STK35: variants seen among roughly 807,000 people sequenced by gnomAD.
The protein encoded by STK35 is serine/threonine-protein kinase 35.
STK35 carries 17 observed loss-of-function variants against 37.3 expected under a neutral mutation model. That is an observed-to-expected ratio of 0.46 (90% CI 0.31 to 0.68). STK35 has a LOEUF of 0.68. Ranked by LOEUF, STK35 falls within the 30% of genes least tolerant of loss-of-function variation. The pLI is 0.05. For missense variants in STK35, 595 were observed against 746.7 expected (o/e 0.80, Z 2.37); for synonymous variants, 385 against 319.1 (o/e 1.21, Z -2.20).
At chr20:2,130,843 G>T (rs915702964) in intron 3 of STK35, among the ~76,000 whole-genome samples, 1 of 152,122 alleles carries the variant, frequency 6.6e-6, no homozygotes, top group Non-Finnish European at 1.5e-5. Context: ...GTGGGGAAGG[G>T]GCTTTGGAGT....
rs1364921765 is a variant in STK35 at position 2,117,403 on chromosome 20, G to A, written c.*25G>A. On this transcript the variant is annotated 3_prime_UTR_variant, in exon 3 of 4. Transcript: ENST00000381482. This position sits in a 1 kb window ranked among gnomAD's most constrained non-coding sequence, Gnocchi z 4.4. Reference sequence around the variant, plus strand: ...AAATTCAGGGCTAAGCATTTTGGGTGATTTTAAACTAGGTGAGTGCTCTCT... The same window carrying A: ...AAATTCAGGGCTAAGCATTTTGGGTAATTTTAAACTAGGTGAGTGCTCTCT... 2 of 1,549,610 alleles carry A rather than the reference G, an allele frequency of 1.3e-6. No individual in the cohort carries two copies. Among genetic ancestry groups the A allele is most frequent in the Non-Finnish European group, 1.8e-6 (2 of 1,137,544 alleles).
chr20:2,101,916 C>G lies in STK35; in HGVS notation c.35C>G (p.Pro12Arg). The G allele has an allele frequency of 6.8e-7, 1 of 1,463,262 alleles. No homozygotes were observed. Among genetic ancestry groups the G allele is most frequent in the Non-Finnish European group, 9.1e-7 (1 of 1,104,368 alleles). The allele number at this position is 1,463,262 out of a possible 1,614,324, so 90.6% of individuals were successfully genotyped here. Residue 12 changes from proline to arginine, a missense_variant, in exon 1 of 4, where the codon CCG becomes CGG. By Grantham distance (103) the Pro-to-Arg change is moderately radical. This residue lies in a region of STK35 where 389 missense variants were observed against 320.0 expected (regional missense o/e 1.22). Transcript: ENST00000381482. Reference sequence around the variant, plus strand: ...CAGGAGTCTCCGCTGGCCCGGGCGCCGGCGGGAGGTGCAGCTTATGTAAAG... The same window carrying G: ...CAGGAGTCTCCGCTGGCCCGGGCGCGGGCGGGAGGTGCAGCTTATGTAAAG... ...GHQESPLARA[P>R]AGGAAYVKRL...
intron 2 of STK35, among the ~76,000 whole-genome samples, chr20:2,112,107 C>T (rs897280278): frequency 2.6e-5 from 4 of 152,182 alleles, no homozygotes; most frequent in Admixed American, 6.5e-5. Context: ...GTTGAAGTGG[C>T]GTTGACTAAA....
At chr20:2,125,505 T>G (rs1488255145) in intron 3 of STK35, among the ~76,000 whole-genome samples, 1 of 152,216 alleles carries the variant, frequency 6.6e-6, no homozygotes, top group Non-Finnish European at 1.5e-5. Context: ...CCGTTCTGCA[T>G]TCTACAGCCT....
intron 3 of STK35, among the ~76,000 whole-genome samples, chr20:2,119,467 G>A (rs1343104920): frequency 1.3e-5 from 2 of 152,240 alleles, no homozygotes; most frequent in Admixed American, 1.3e-4. Flanking sequence ...AGGAACAGCA[G>A]AATAGTTTAG....
chr20:2,135,921 C>T (rs1262293849), intron 3 of STK35, among the ~76,000 whole-genome samples: 2 of 152,156 alleles, frequency 1.3e-5, no homozygotes, highest in African/African-American at 2.4e-5. Flanking sequence ...TCACTTAAGC[C>T]AGGGAAGTCA....
At chr20:2,113,017 A>G (rs1178758095) in intron 2 of STK35, among the ~76,000 whole-genome samples, 3 of 152,136 alleles carry the variant, frequency 2.0e-5, no homozygotes, top group Non-Finnish European at 4.4e-5. Flanking sequence ...CCACTGTGAG[A>G]TGGGCCTGAG....
intron 1 of STK35, among the ~76,000 whole-genome samples, chr20:2,102,423 G>C (rs1477596021): frequency 6.6e-6 from 1 of 152,238 alleles, no homozygotes; most frequent in Non-Finnish European, 1.5e-5. Context: ...GAGCGTCACA[G>C]AGGGGGCCAA....
chr20:2,106,219 A>G (rs1985512583), intron 2 of STK35, among the ~76,000 whole-genome samples: 1 of 152,196 alleles, frequency 6.6e-6, no homozygotes, highest in Non-Finnish European at 1.5e-5. Flanking sequence ...GGTTTACAGC[A>G]TGCAAATACC....
intron 3 of STK35, among the ~76,000 whole-genome samples, chr20:2,123,733 C>T (rs1330609314): frequency 2.6e-5 from 4 of 152,156 alleles, no homozygotes; most frequent in African/African-American, 4.8e-5. Context: ...ATTTTAAAAT[C>T]GTTTTAGGTG....
intron 3 of STK35, among the ~76,000 whole-genome samples, chr20:2,123,145 G>A (rs565512803): frequency 8.5e-5 from 13 of 152,254 alleles, no homozygotes; most frequent in African/African-American, 2.6e-4. Context: ...ACAAACCTCC[G>A]TTACTAGGGC....
rs1157296105 is a variant in STK35 at position 2,146,073 on chromosome 20, C to G, written c.*2327C>G. On this transcript the variant is annotated 3_prime_UTR_variant, in exon 4 of 4. Coordinates refer to ENST00000381482, the MANE Select transcript of STK35 (RefSeq NM_080836.4). Reference sequence around the variant, plus strand: ...GGTAGGGGTCGCCAGCCTCCATGCCCCCTCATCTTCCAGTTCTTGCTTAGT... The same window carrying G: ...GGTAGGGGTCGCCAGCCTCCATGCCGCCTCATCTTCCAGTTCTTGCTTAGT... 2.0e-5 allele frequency: 3 copies of G among 152,188 alleles called. No homozygotes were observed. The East Asian group carries it at 5.8e-4, about 29-fold the overall frequency. The allele number at this position is 152,188 out of a possible 1,614,324, so 9.4% of individuals were successfully genotyped here.
At chr20:2,112,484 C>T (rs910088220) in intron 2 of STK35, among the ~76,000 whole-genome samples, 4 of 152,212 alleles carry the variant, frequency 2.6e-5, no homozygotes, top group African/African-American at 9.7e-5. Flanking sequence ...TCCCCAAAGG[C>T]AGGCCTGCCT....
intron 3 of STK35, among the ~76,000 whole-genome samples, chr20:2,131,471 GT>G (rs1048460959): frequency 1.2e-4 from 17 of 140,246 alleles, no homozygotes; most frequent in South Asian, 1.1e-3. Context: ...TTAAAGTTTT[GT>G]TTTTTTTTTT....
chr20:2,140,065 G>A (rs1986148813), intron 3 of STK35, among the ~76,000 whole-genome samples: 2 of 152,178 alleles, frequency 1.3e-5, no homozygotes, highest in African/African-American at 4.8e-5. Flanking sequence ...ACTCTGGTGT[G>A]GGGCAAGTTG....
At chr20:2,123,769 T>C (rs1036905728) in intron 3 of STK35, among the ~76,000 whole-genome samples, 1 of 152,178 alleles carries the variant, frequency 6.6e-6, no homozygotes, top group African/African-American at 2.4e-5. Flanking sequence ...CAGTACTAAA[T>C]AGGTCCACTC....
intron 3 of STK35, among the ~76,000 whole-genome samples, chr20:2,125,365 A>G (rs1020004847): frequency 3.3e-5 from 5 of 152,320 alleles, no homozygotes; most frequent in Admixed American, 1.3e-4. Flanking sequence ...TATCATTATC[A>G]TACATCATCT....
At chr20:2,104,061 G>C (rs1985465767) in intron 2 of STK35, among the ~76,000 whole-genome samples, 1 of 152,206 alleles carries the variant, frequency 6.6e-6, no homozygotes, top group African/African-American at 2.4e-5. Context: ...CTTAACCTCA[G>C]AGGCTGGCTG....
At position 2,109,011 on chromosome 20, in the gene STK35, C is replaced by T. The variant is rs116152101; in HGVS notation, c.892+5646C>T. Among the ~76,000 whole-genome samples the T allele has an allele frequency of 3.4e-3, 521 of 152,296 alleles. 4 individuals are homozygous for T. Among genetic ancestry groups the T allele is most frequent in the African/African-American group, 0.012 (494 of 41,560 alleles). On this transcript the variant is annotated intron_variant, in intron 2 of 3. Transcript: ENST00000381482. ...TCTTTCTCTTTTTACACCTCTCCAG[C>T]GCATGACTTTTATCTTGATTTATTT...
Sources: gnomAD v4.1 joint callset for allele counts (sites outside exome capture counted in the v4.1 genomes callset) on GRCh38, gnomAD v4.1.1 for gene constraint, gnomAD v4.1.1 regional missense constraint, Gnocchi (gnomAD v3.1) non-coding constraint, MANE v1.5 for transcripts, NCBI Gene and HGNC (gene_info 2026-07-23, HGNC 2026-07-21) for gene names.